ASCC3: variants seen among roughly 807,000 people sequenced by gnomAD.
ASCC3 encodes ASC-1 complex subunit P200.
In ASCC3, 158 loss-of-function variants were observed where a neutral mutation model predicts 256.3. The ratio of observed to expected loss-of-function variants is 0.62; its 90% confidence interval spans 0.54 to 0.70. ASCC3 has a LOEUF of 0.70. Ranked by LOEUF, ASCC3 falls within the 30% of genes least tolerant of loss-of-function variation. ASCC3 has a pLI of 0.00. For synonymous variants in ASCC3, 948 were observed against 883.4 expected, an observed-to-expected ratio of 1.07 and a Z score of -1.30; for missense variants, 2,259 against 2,626.0, an observed-to-expected ratio of 0.86 and a Z score of 3.05.
chr6:100,711,651 AC>A (rs1341141051), intron 13 of ASCC3, among the ~76,000 whole-genome samples: 2 of 152,152 alleles, frequency 1.3e-5, no homozygotes, highest in Non-Finnish European at 2.9e-5. Flanking sequence ...AATCACTTGA[AC>A]CCGGAAGGTG....
At chr6:100,874,193 C>T (rs758891202) in intron 1 of ASCC3, among the ~76,000 whole-genome samples, 5 of 152,026 alleles carry the variant, frequency 3.3e-5, no homozygotes, top group Non-Finnish European at 5.9e-5. Context: ...TTAGGCTGGG[C>T]GCGGTGGCTC....
At chr6:100,627,736 A>G in intron 28 of ASCC3, 26 bp from the exon 29 acceptor site, 2 of 1,611,326 alleles carry the variant, frequency 1.2e-6, no homozygotes, top group Non-Finnish European at 1.7e-6. Context: ...GAGAGAAACC[A>G]TTTTCAATTT....
chr6:100,526,747 A>G (rs1397104645), intron 37 of ASCC3, among the ~76,000 whole-genome samples: 1 of 152,210 alleles, frequency 6.6e-6, no homozygotes, highest in Non-Finnish European at 1.5e-5. Context: ...ATAATCACTC[A>G]GGATTAAGTT....
chr6:100,716,579 C>T (rs1159995219), intron 12 of ASCC3, among the ~76,000 whole-genome samples: 1 of 151,854 alleles, frequency 6.6e-6, no homozygotes, highest in African/African-American at 2.4e-5. Context: ...GGATAATTTA[C>T]TCCTCATGAA....
intron 36 of ASCC3, among the ~76,000 whole-genome samples, chr6:100,568,381 A>T (rs74641734): frequency 3.3e-5 from 5 of 151,360 alleles, no homozygotes; most frequent in Non-Finnish European, 7.4e-5. Flanking sequence ...AAAAAAAAAA[A>T]AGCCATTCTG....
At chr6:100,781,563 T>A (rs1007780184) in intron 8 of ASCC3, among the ~76,000 whole-genome samples, 5 of 151,174 alleles carry the variant, frequency 3.3e-5, no homozygotes, top group African/African-American at 7.3e-5. Flanking sequence ...TTTTTTTTTT[T>A]TTTTTTAGTA....
Position 100,606,982 on chromosome 6 carries a change from A to T in ASCC3, c.4892T>A (p.Val1631Glu). The T allele has an allele frequency of 1.2e-6, 2 of 1,613,626 alleles. No individual in the cohort carries two copies. The highest frequency in any genetic ancestry group is 1.7e-6 in the Non-Finnish European group (2 of 1,179,774). Residue 1631 changes from valine to glutamate, a missense_variant, in exon 31 of 42, where the codon GTA becomes GAA. Physicochemically the swap from Val to Glu is moderately radical, Grantham distance 121. This residue lies in a region of ASCC3 where 1,839 missense variants were observed against 2,206.7 expected (regional missense o/e 0.83). Transcript: ENST00000369162. Reference sequence around the variant, plus strand: ...TTTACAGTTTACAAATAGTTCCTCTACTGTTTTTCGGTCCCTCTCATGTAG... The same window carrying T: ...TTTACAGTTTACAAATAGTTCCTCTTCTGTTTTTCGGTCCCTCTCATGTAG... ...AGLHERDRKT[V>E]EELFVNCKVQ... is the part of the protein sequence containing the mutation.
rs1773565050 is a variant in ASCC3, at chr6:100,868,113, T to C, written c.-41-75A>G. ...TAATCAAACTCAACAAATTAGCTTG[T>C]ACAAGAGAAAAAAGGAAAAAATTGG... is the stretch of plus-strand genomic sequence containing the variant. On this transcript the variant is annotated intron_variant, in intron 1 of 41. Transcript: ENST00000369162. The C allele has an allele frequency of 2.2e-5, 18 of 829,502 alleles. No individual in the cohort carries two copies. In the South Asian group the frequency reaches 2.7e-4, roughly 12 times the overall value. 51.4% of individuals were successfully genotyped at this position (829,502 alleles called of 1,614,324 possible). A position where few individuals can be genotyped will look rare whatever the true frequency, so the allele number is the denominator to read the frequency against.
In ASCC3 at chr6:100,666,763, C is replaced by T. The variant is rs1315159584; in HGVS notation, c.2287-4227G>A. Among the ~76,000 whole-genome samples the T allele has an allele frequency of 2.0e-5, 3 of 152,038 alleles. No individual in the cohort carries two copies. In the South Asian group the frequency reaches 6.2e-4, roughly 32 times the overall value. ...CCTCATGAGACTATTTAGTGCTAAGCAACCTCGTATTTGTTATTGTACTAA... is the reference window on the plus strand; with the variant it reads ...CCTCATGAGACTATTTAGTGCTAAGTAACCTCGTATTTGTTATTGTACTAA... On this transcript the variant is annotated intron_variant, in intron 14 of 41. Transcript: ENST00000369162.
chr6:100,698,559 A>G (rs920833591), intron 13 of ASCC3, among the ~76,000 whole-genome samples: 1 of 152,162 alleles, frequency 6.6e-6, no homozygotes, highest in Admixed American at 6.5e-5. Flanking sequence ...ATAAGTCTGT[A>G]TCATGAAAAA....
chr6:100,671,247 A>C (rs1776729076), intron 14 of ASCC3, among the ~76,000 whole-genome samples: 2 of 152,142 alleles, frequency 1.3e-5, no homozygotes, highest in Admixed American at 6.6e-5. Context: ...ATGGAGCTAA[A>C]CTTGTTTACT....
intron 36 of ASCC3, among the ~76,000 whole-genome samples, chr6:100,581,885 G>C (rs2114750029): frequency 6.6e-6 from 1 of 151,406 alleles, no homozygotes; most frequent in South Asian, 2.1e-4. Context: ...TCAAAGATCA[G>C]ATAGTTGTAG....
chr6:100,788,989 A>G (rs1769221527), intron 8 of ASCC3, among the ~76,000 whole-genome samples: 1 of 151,946 alleles, frequency 6.6e-6, no homozygotes, highest in African/African-American at 2.4e-5. Flanking sequence ...TACCCCCAAA[A>G]GGGTGTATTT....
Position 100,848,163 on chromosome 6 carries a change from A to C in ASCC3, c.786T>G (p.Asp262Glu). ...TCAACTATACCTCATCCTGAAGTTC[A>C]TCACCACTTTTAATAGAAGCAAGCA... ...YDMLASIKSGDELQDELFELL... is the reference protein window; with the variant it reads ...YDMLASIKSGEELQDELFELL... The change falls in exon 4 of 42, where the codon GAT (aspartate) becomes GAG (glutamate). Residue 262 changes from aspartate (D) to glutamate (E), a missense_variant. Transcript: ENST00000369162. The C allele has an allele frequency of 1.3e-6, 2 of 1,594,934 alleles. No individual in the cohort carries two copies. Among genetic ancestry groups the C allele is most frequent in the Non-Finnish European group, 1.7e-6 (2 of 1,172,988 alleles).
chr6:100,828,625 C>A lies in ASCC3; in HGVS notation c.801+19523G>T, dbSNP rs183539323. ...TCTCACTGGCTCAGGAGTGAAGCTGCGGATCTTCGCGGTGAGTGTTACAGC... is the reference window on the plus strand; with the variant it reads ...TCTCACTGGCTCAGGAGTGAAGCTGAGGATCTTCGCGGTGAGTGTTACAGC... On this transcript the variant is annotated intron_variant, in intron 4 of 41. Coordinates refer to ENST00000369162, the MANE Select transcript of ASCC3 (RefSeq NM_006828.4). 2.5e-3 allele frequency among the ~76,000 whole-genome samples: 377 copies of A among 152,168 alleles called. 2 individuals are homozygous for A. The highest frequency in any genetic ancestry group is 8.6e-3 in the African/African-American group (358 of 41,506).
At chr6:100,599,303 T>C (rs1446366260) in intron 34 of ASCC3, among the ~76,000 whole-genome samples, 1 of 152,138 alleles carries the variant, frequency 6.6e-6, no homozygotes, top group Non-Finnish European at 1.5e-5. Flanking sequence ...AATTTAGTGA[T>C]GAGGAAATCA....
intron 36 of ASCC3, among the ~76,000 whole-genome samples, chr6:100,542,036 C>A (rs1775487473): frequency 6.6e-6 from 1 of 152,062 alleles, no homozygotes; most frequent in Non-Finnish European, 1.5e-5. Context: ...AAAATCAACA[C>A]AACATCAATG....
At chr6:100,873,105 G>C (rs1773829886) in intron 1 of ASCC3, among the ~76,000 whole-genome samples, 1 of 151,342 alleles carries the variant, frequency 6.6e-6, no homozygotes, top group Admixed American at 6.6e-5. Flanking sequence ...AAGCACCAGA[G>C]AAAGGCAAAG....
intron 8 of ASCC3, among the ~76,000 whole-genome samples, chr6:100,789,334 T>C (rs1331632436): frequency 1.3e-5 from 2 of 152,004 alleles, no homozygotes; most frequent in Non-Finnish European, 2.9e-5. Context: ...CACAGACAAC[T>C]GGAGACTCAA....
Sources: gnomAD v4.1 joint callset for allele counts (sites outside exome capture counted in the v4.1 genomes callset) on GRCh38, gnomAD v4.1.1 for gene constraint, gnomAD v4.1.1 regional missense constraint, MANE v1.5 for transcripts, NCBI Gene and HGNC (gene_info 2026-07-23, HGNC 2026-07-21) for gene names.